NUB1: variants seen among roughly 807,000 people sequenced by gnomAD.
The protein encoded by NUB1 is negative regulator of ubiquitin like proteins 1.
Under a neutral mutation model 77.1 loss-of-function variants are expected in NUB1, and 41 were observed. The ratio of observed to expected loss-of-function variants is 0.53; its 90% CI spans 0.41 to 0.69. The LOEUF is 0.69. Among genes scored for constraint, NUB1 ranks in the 30% least tolerant of loss-of-function variants. The pLI is 0.00. For synonymous variants in NUB1, 257 were observed against 281.0 expected, an observed-to-expected ratio of 0.91 and a Z score of 0.85; for missense variants, 643 against 743.8, an observed-to-expected ratio of 0.86 and a Z score of 1.58.
intron 2 of NUB1, among the ~76,000 whole-genome samples, chr7:151,346,711 C>T (rs1796519594): frequency 6.6e-6 from 1 of 152,170 alleles, no homozygotes; most frequent in African/African-American, 2.4e-5. Context: ...TGCTCAGGAC[C>T]CTTCCAGACC....
intron 2 of NUB1, among the ~76,000 whole-genome samples, chr7:151,348,004 G>T (rs1203971294): frequency 1.3e-5 from 2 of 152,206 alleles, no homozygotes; most frequent in African/African-American, 2.4e-5. Flanking sequence ...GGGACTGGAA[G>T]TGTGTTTGGA....
At chr7:151,353,029 T>C in intron 5 of NUB1, 147 bp downstream of exon 5, 1 of 574,864 alleles carries the variant, frequency 1.7e-6, no homozygotes, top group South Asian at 2.4e-5. Flanking sequence ...AAAATAAAAA[T>C]GTAAAGCAGA....
chr7:151,352,756 T>C (rs1015668116), intron 4 of NUB1, 56 bp from the exon 5 acceptor site: 43 of 1,146,086 alleles, frequency 3.8e-5, no homozygotes, highest in Non-Finnish European at 5.5e-5. Context: ...GTCTTTTTAA[T>C]GGATAATAAA....
At chr7:151,368,624 G>A in intron 10 of NUB1, 111 bp from the exon 11 acceptor site, 1 of 1,256,154 alleles carries the variant, frequency 8.0e-7, no homozygotes, top group Non-Finnish European at 1.1e-6. Flanking sequence ...TCCAAAATCT[G>A]ATGCCTTTTA....
At position 151,376,758 on chromosome 7, in the gene NUB1, T is replaced by G. The variant is rs758075453; in HGVS notation, c.1616T>G (p.Leu539Arg). The change falls in exon 14 of 15, where the codon CTG (leucine) becomes CGG (arginine). Residue 539 changes from leucine (L) to arginine (R), a missense_variant. Transcript: ENST00000568733. Reference protein sequence around the residue: ...NGGSLPPELPLSPEDSLSPPA... With the variant: ...NGGSLPPELPRSPEDSLSPPA... ...GGAAGCCTGCCTCCCGAGCTGCCGC[T>G]GTCGCCAGAAGACTCTTTGTCCCCG... 6 of 1,596,464 alleles carry G rather than the reference T, an allele frequency of 3.8e-6. No individual in the cohort carries two copies. In the East Asian group the frequency reaches 9.1e-5, roughly 24 times the overall value.
chr7:151,373,010 G>A (rs1193040890), intron 11 of NUB1, among the ~76,000 whole-genome samples: 1 of 152,178 alleles, frequency 6.6e-6, no homozygotes, highest in African/African-American at 2.4e-5. Context: ...TGCTCCTACT[G>A]TGGGGCCTGT....
intron 7 of NUB1, among the ~76,000 whole-genome samples, chr7:151,357,371 G>C (rs186935191): frequency 9.2e-5 from 14 of 151,458 alleles, no homozygotes; most frequent in African/African-American, 3.4e-4. Context: ...TGATCCGCCC[G>C]CCTCGGCCTC....
At chr7:151,366,751 C>T (rs1563025005) in intron 8 of NUB1, among the ~76,000 whole-genome samples, 188 bp from the exon 9 acceptor site, 2 of 152,172 alleles carry the variant, frequency 1.3e-5, no homozygotes, top group Non-Finnish European at 1.5e-5. Context: ...TTTCTTTCCC[C>T]CATTAGAAGG....
At chr7:151,350,484 G>A (rs1174755394) in intron 3 of NUB1, among the ~76,000 whole-genome samples, 3 of 152,254 alleles carry the variant, frequency 2.0e-5, no homozygotes, top group Admixed American at 1.3e-4. Context: ...GGCCCTGTTC[G>A]GGCATAACAG....
chr7:151,356,665 AT>A (rs1797077659), intron 7 of NUB1, among the ~76,000 whole-genome samples: 1 of 152,152 alleles, frequency 6.6e-6, no homozygotes, highest in Non-Finnish European at 1.5e-5. Context: ...CTGTTCTATA[AT>A]TTGGGATAGG....
At chr7:151,376,836 G>A (rs762947697) in intron 14 of NUB1, 25 bp downstream of exon 14, 89 of 1,551,658 alleles carry the variant, frequency 5.7e-5, no homozygotes, top group Admixed American at 3.9e-5. Flanking sequence ...TTTGAGGGCC[G>A]CATTGAGAGC....
intron 5 of NUB1, among the ~76,000 whole-genome samples, chr7:151,353,433 C>T (rs139905681): frequency 4.2e-4 from 64 of 152,132 alleles, no homozygotes; most frequent in African/African-American, 1.2e-3. Flanking sequence ...AACTTGGTGA[C>T]GGGGGAGGTT....
chr7:151,357,533 AT>A (rs1797138257), intron 7 of NUB1, among the ~76,000 whole-genome samples: 1 of 151,106 alleles, frequency 6.6e-6, no homozygotes, highest in Non-Finnish European at 1.5e-5. Flanking sequence ...ATTAATTTTA[AT>A]TTTTCTGTTT....
intron 8 of NUB1, 139 bp from the exon 9 acceptor site, chr7:151,366,800 A>T: frequency 1.7e-6 from 1 of 594,400 alleles, no homozygotes; most frequent in Non-Finnish European, 2.9e-6. Context: ...AAACATTAGG[A>T]TCTCTCTTTT....
At chr7:151,357,428 G>A (rs1797131545) in intron 7 of NUB1, among the ~76,000 whole-genome samples, 1 of 151,646 alleles carries the variant, frequency 6.6e-6, no homozygotes, top group African/African-American at 2.4e-5. Flanking sequence ...CCAGCCCCTT[G>A]GGGGCCTCTA....
At position 151,368,870 on chromosome 7, in the gene NUB1, A is replaced by T; in HGVS notation, c.1231A>T (p.Ile411Phe). ...DGNVDHAATH[I>F]TNRREELAQI... ...GAACGTGGATCATGCGGCCACTCAT[A>T]TTACCAACCGCAGAGAGGTACCCAC... Residue 411 changes from isoleucine to phenylalanine, a missense_variant, in exon 11 of 15, where the codon ATT becomes TTT. Coordinates refer to ENST00000568733, the MANE Select transcript of NUB1 (RefSeq NM_001243351.2). 6.2e-7 allele frequency: 1 copy of T among 1,613,470 alleles called. No homozygotes were observed. Among genetic ancestry groups the T allele is most frequent in the Non-Finnish European group, 8.5e-7 (1 of 1,179,692 alleles).
In NUB1 at chr7:151,366,970, G is replaced by T; in HGVS notation, c.832G>T (p.Asp278Tyr). 2 of 1,613,034 alleles carry T rather than the reference G, an allele frequency of 1.2e-6. No individual in the cohort carries two copies. Among genetic ancestry groups the T allele is most frequent in the Non-Finnish European group, 1.7e-6 (2 of 1,179,458 alleles). Residue 278 changes from aspartate (D) to tyrosine (Y), a missense_variant, in exon 9 of 15, where the codon GAT becomes TAT. Asp to Tyr is a radical substitution (Grantham distance 160, BLOSUM62 -3). Transcript: ENST00000568733. ...TTGCAGAGAGCTGCTGGACACAGTG[G>T]ATAACTACGCCGTCCTCCAGCTGGA... Reference protein sequence around the residue: ...ECCRELLDTVDNYAVLQLDIV... With the variant: ...ECCRELLDTVYNYAVLQLDIV...
chr7:151,356,161 C>T lies in NUB1; in HGVS notation c.632C>T (p.Pro211Leu), dbSNP rs190354568. ...ACAGTGGTGGATCCAGAAATGACACCGTACTTAGACATAGCTAACCAGACA... is the reference window on the plus strand; with the variant it reads ...ACAGTGGTGGATCCAGAAATGACACTGTACTTAGACATAGCTAACCAGACA... ...AETVVDPEMT[P>L]YLDIANQTGR... Residue 211 changes from proline (P) to leucine (L), a missense_variant, in exon 7 of 15, where the codon CCG (proline) becomes CTG (leucine). Pro to Leu is a moderately conservative substitution (Grantham distance 98). Coordinates refer to ENST00000568733, the MANE Select transcript of NUB1 (RefSeq NM_001243351.2). The T allele has an allele frequency of 3.3e-4, 536 of 1,613,768 alleles. 1 individual carries two copies. The highest frequency in any genetic ancestry group is 9.5e-4 in the Admixed American group (57 of 60,002).
chr7:151,355,570 G>A (rs1190264941), intron 5 of NUB1, among the ~76,000 whole-genome samples, 198 bp from the exon 6 acceptor site: 1 of 152,240 alleles, frequency 6.6e-6, no homozygotes, highest in Non-Finnish European at 1.5e-5. Flanking sequence ...CTCCTCGGGA[G>A]GCTGAGGTGC....
Sources: allele counts gnomAD v4.1 joint callset (sites outside exome capture counted in the v4.1 genomes callset), GRCh38; gene constraint gnomAD v4.1.1; transcripts MANE v1.5; gene names NCBI Gene and HGNC (gene_info 2026-07-23, HGNC 2026-07-21).